RASIP1: variants seen among roughly 807,000 people sequenced by gnomAD.
The protein encoded by RASIP1 is ras-interacting protein 1.
In RASIP1, 20 loss-of-function variants were observed where a neutral mutation model predicts 85.3. The observed-to-expected ratio is 0.23, with a 90% CI of 0.17 to 0.34. The LOEUF (loss-of-function observed/expected upper bound fraction) is 0.34. RASIP1 is among the 10% of genes least tolerant of loss of function. The pLI is 1.00. For missense variants in RASIP1, 1,170 were observed against 1,390.9 expected, an observed-to-expected ratio of 0.84 and a Z score of 2.53; for synonymous variants, 617 against 647.1, an observed-to-expected ratio of 0.95 and a Z score of 0.71.
chr19:48,738,626 G>C lies in RASIP1; in HGVS notation c.823+334C>G. ...AGGCAGTCTGAAATGCCTGCAGAAG[G>C]CCCTAACCCCAATTCGGAGCCACTT... On this transcript the variant is annotated intron_variant, in intron 3 of 11. Coordinates refer to ENST00000222145, the MANE Select transcript of RASIP1 (RefSeq NM_017805.3). This position sits in a 1 kb window ranked among gnomAD's most constrained non-coding sequence, Gnocchi z 4.0. 4.9e-6 allele frequency: 1 copy of C among 202,406 alleles called. No homozygotes were observed. Among genetic ancestry groups the C allele is most frequent in the East Asian group, 1.2e-4 (1 of 8,664 alleles). 12.5% of individuals were successfully genotyped at this position (202,406 alleles called of 1,614,324 possible). A position where few individuals can be genotyped will look rare whatever the true frequency, so the allele number is the denominator to read the frequency against.
intron 10 of RASIP1, among the ~76,000 whole-genome samples, chr19:48,722,442 G>A (rs1356253343): frequency 1.3e-5 from 2 of 151,086 alleles, no homozygotes; most frequent in Non-Finnish European, 3.0e-5. Flanking sequence ...GTGATCCTTG[G>A]CCCCAGCCTC....
chr19:48,736,697 C>T (rs1008098458), intron 3 of RASIP1, among the ~76,000 whole-genome samples: 4 of 152,112 alleles, frequency 2.6e-5, no homozygotes, highest in African/African-American at 9.7e-5. Context: ...AGGGTGGAAA[C>T]CTCATCTGTC....
intron 10 of RASIP1, among the ~76,000 whole-genome samples, chr19:48,722,300 A>ATTTTT (rs71179038): frequency 6.1e-5 from 6 of 98,334 alleles, no homozygotes; most frequent in South Asian, 3.7e-4. Flanking sequence ...GTACTTGGGG[A>ATTTTT]TTTTTTTTTT....
intron 4 of RASIP1, among the ~76,000 whole-genome samples, chr19:48,731,024 C>T (rs58968427): frequency 0.026 from 3,910 of 152,080 alleles, 73 homozygotes; most frequent in African/African-American, 0.053. Context: ...AAAAAGAGGC[C>T]GGGCGCAGTG....
rs564443942 is a variant in RASIP1 at position 48,728,837 on chromosome 19, T to C, written c.1833+100A>G. The C allele has an allele frequency of 7.3e-6, 9 of 1,239,994 alleles. No homozygotes were observed. The East Asian group carries it at 2.6e-4, about 36-fold the overall frequency. 76.8% of individuals were successfully genotyped at this position (1,239,994 alleles called of 1,614,324 possible). A position where few individuals can be genotyped will look rare whatever the true frequency, so the allele number is the denominator to read the frequency against. On this transcript the variant is annotated intron_variant, in intron 5 of 11. Coordinates refer to ENST00000222145, the MANE Select transcript of RASIP1 (RefSeq NM_017805.3). Reference sequence around the variant, plus strand: ...TCCCGAGGCGTCATGGGAACAGTAGTATCCAGCCCAGCTATGAAAAGGGTT... The same window carrying C: ...TCCCGAGGCGTCATGGGAACAGTAGCATCCAGCCCAGCTATGAAAAGGGTT...
At chr19:48,737,923 T>A in intron 3 of RASIP1, 1 of 985,398 alleles carries the variant, frequency 1.0e-6, no homozygotes, top group Non-Finnish European at 1.2e-6. Flanking sequence ...TTTCTTTTTC[T>A]GGAGGACAGT....
At position 48,739,013 on chromosome 19, in the gene RASIP1, C is replaced by T; in HGVS notation, c.770G>A (p.Arg257His). The T allele has an allele frequency of 1.6e-6, 2 of 1,246,148 alleles. No individual in the cohort carries two copies. The highest frequency in any genetic ancestry group is 2.0e-6 in the Non-Finnish European group (2 of 998,998). The allele number at this position is 1,246,148 out of a possible 1,614,324, so 77.2% of individuals were successfully genotyped here. A position where few individuals can be genotyped will look rare whatever the true frequency, so the allele number is the denominator to read the frequency against. ...CTGCTCCAGGCGCCGCGCCTCCTCG[C>T]GGCCGCGCAACTCGAAGCGCCGCGC... Reference protein sequence around the residue: ...GWARRFELRGREEARRLEQEA... With the variant: ...GWARRFELRGHEEARRLEQEA... Residue 257 changes from arginine to histidine, a missense_variant, in exon 3 of 12, where the codon CGC becomes CAC. By Grantham distance (29) the Arg-to-His change is conservative. Transcript: ENST00000222145. This position sits in a 1 kb window ranked among gnomAD's most constrained non-coding sequence, Gnocchi z 9.2.
rs745523694 is a variant in RASIP1 at position 48,739,336 on chromosome 19, C to T, written c.447G>A (p.Lys149=). 4.4e-6 allele frequency: 6 copies of T among 1,363,862 alleles called. No homozygotes were observed. Among genetic ancestry groups the T allele is most frequent in the Admixed American group, 3.9e-5 (1 of 25,902 alleles). 84.5% of individuals were successfully genotyped at this position (1,363,862 alleles called of 1,614,324 possible). A position where few individuals can be genotyped will look rare whatever the true frequency, so the allele number is the denominator to read the frequency against. ...CCGATGCCAGTCCGGCGCCGAAGAT[C>T]TTGAGGACCCCCGGAGGCGCCGTGG... ...TRATAPPGVL[K]IFGAGLASGA... is the part of the protein sequence containing the mutation. The change falls in exon 3 of 12, where the codon AAG becomes AAA. Residue 149 remains lysine (K), a synonymous_variant. Coordinates refer to ENST00000222145, the MANE Select transcript of RASIP1 (RefSeq NM_017805.3). This position sits in a 1 kb window ranked among gnomAD's most constrained non-coding sequence, Gnocchi z 9.2.
Position 48,729,435 on chromosome 19 carries a change from C to T in RASIP1, c.1335G>A (p.Glu445=). 1.3e-6 allele frequency: 2 copies of T among 1,562,744 alleles called. No homozygotes were observed. The highest frequency in any genetic ancestry group is 1.7e-6 in the Non-Finnish European group (2 of 1,154,290). ...GGGACGGGCGCACCATGGCCGGGTG[C>T]TCAGGGCCCGCGCGCACTGTGCAGT... ...PRHCTVRAGP[E]HPAMVRPSRG... is the part of the protein sequence containing the mutation. Residue 445 remains glutamate (E), a synonymous_variant, in exon 5 of 12, where the codon GAG becomes GAA. Coordinates refer to ENST00000222145, the MANE Select transcript of RASIP1 (RefSeq NM_017805.3).
chr19:48,725,696 G>A (rs577857262), intron 8 of RASIP1: 17 of 152,350 alleles, frequency 1.1e-4, no homozygotes, highest in African/African-American at 3.6e-4. Flanking sequence ...GTCAGCAAGC[G>A]AAGGAAGTGG....
In RASIP1 at chr19:48,738,740, A is replaced by T; in HGVS notation, c.823+220T>A. The stretch of plus-strand genomic sequence containing the variant: ...CTGTAAAACTCCTGCTCAATCAACA[A>T]GCCCCACCCAACTCTCAGGCCCGCC... On this transcript the variant is annotated intron_variant, in intron 3 of 11. Coordinates refer to ENST00000222145, the MANE Select transcript of RASIP1 (RefSeq NM_017805.3). The surrounding 1 kb of genome is among the most constrained non-coding windows in gnomAD (Gnocchi z 4.0). The T allele has an allele frequency of 2.2e-6, 1 of 448,518 alleles. No homozygotes were observed. The highest frequency in any genetic ancestry group is 3.4e-6 in the Non-Finnish European group (1 of 292,144). 27.8% of individuals were successfully genotyped at this position (448,518 alleles called of 1,614,324 possible). A position where few individuals can be genotyped will look rare whatever the true frequency, so the allele number is the denominator to read the frequency against.
chr19:48,735,170 G>C (rs2033547037), intron 4 of RASIP1, 26 bp downstream of exon 4: 1 of 1,576,976 alleles, frequency 6.3e-7, no homozygotes. Context: ...AGGGCTCTGG[G>C]CGTGCGGGGC....
In RASIP1 at chr19:48,739,395, C is replaced by T; in HGVS notation, c.388G>A (p.Gly130Ser). 7.4e-7 allele frequency: 1 copy of T among 1,351,758 alleles called. No homozygotes were observed. Among genetic ancestry groups the T allele is most frequent in the Non-Finnish European group, 9.5e-7 (1 of 1,057,382 alleles). 83.7% of individuals were successfully genotyped at this position (1,351,758 alleles called of 1,614,324 possible). A position where few individuals can be genotyped will look rare whatever the true frequency, so the allele number is the denominator to read the frequency against. ...SEKKLPELAAGVAPEPPLATR... is the reference protein window; with the variant it reads ...SEKKLPELAASVAPEPPLATR... ...GCCAGCGGGGGCTCGGGGGCCACGC[C>T]CGCCGCCAGCTCCGGCAGCTTCTTC... is the stretch of plus-strand genomic sequence containing the variant. Residue 130 changes from glycine (G) to serine (S), a missense_variant, in exon 3 of 12, where the codon GGC becomes AGC. This residue lies in a region of RASIP1 where 299 missense variants were observed against 394.4 expected (regional missense o/e 0.76). Coordinates refer to ENST00000222145, the MANE Select transcript of RASIP1 (RefSeq NM_017805.3). This position sits in a 1 kb window ranked among gnomAD's most constrained non-coding sequence, Gnocchi z 9.2.
chr19:48,722,873 A>G (rs1228850403), intron 10 of RASIP1, among the ~76,000 whole-genome samples: 2 of 152,026 alleles, frequency 1.3e-5, no homozygotes, highest in Non-Finnish European at 2.9e-5. Flanking sequence ...GGCTTATTAA[A>G]TGCATGGTAA....
At position 48,738,162 on chromosome 19, in the gene RASIP1, C is replaced by G. The variant is rs2033606103; in HGVS notation, c.823+798G>C. Reference sequence around the variant, plus strand: ...ATTTCACCATGTTGGCCAGACTGGTCTCGAACTCCCAACCTCAGGTGATCC... The same window carrying G: ...ATTTCACCATGTTGGCCAGACTGGTGTCGAACTCCCAACCTCAGGTGATCC... On this transcript the variant is annotated intron_variant, in intron 3 of 11. Coordinates refer to ENST00000222145, the MANE Select transcript of RASIP1 (RefSeq NM_017805.3). This position sits in a 1 kb window ranked among gnomAD's most constrained non-coding sequence, Gnocchi z 4.0. 6.6e-6 allele frequency among the ~76,000 whole-genome samples: 1 copy of G among 152,182 alleles called. No homozygotes were observed. Among genetic ancestry groups the G allele is most frequent in the Non-Finnish European group, 1.5e-5 (1 of 68,036 alleles).
Position 48,739,095 on chromosome 19 carries a change from C to G in RASIP1, c.688G>C (p.Gly230Arg). ...ACCAGCAGCGGGCGCTCGGAGTCGCCCAGCACGCGCAGGTGCTCCGCCCGC... is the reference window on the plus strand; with the variant it reads ...ACCAGCAGCGGGCGCTCGGAGTCGCGCAGCACGCGCAGGTGCTCCGCCCGC... The part of the protein sequence containing the change: ...EWRAEHLRVL[G>R]DSERPLLVQE... Residue 230 changes from glycine (G) to arginine (R), a missense_variant, in exon 3 of 12, where the codon GGC becomes CGC. Gly to Arg is a moderately radical substitution (Grantham distance 125). Around this residue, in one of 4 missense-constraint regions of RASIP1, gnomAD observed 299 missense variants for 394.4 expected, o/e 0.76. Transcript: ENST00000222145. The surrounding 1 kb of genome is among the most constrained non-coding windows in gnomAD (Gnocchi z 9.2). 7.6e-7 allele frequency: 1 copy of G among 1,314,074 alleles called. No individual in the cohort carries two copies. Among genetic ancestry groups the G allele is most frequent in the South Asian group, 2.1e-5 (1 of 47,116 alleles). 81.4% of individuals were successfully genotyped at this position (1,314,074 alleles called of 1,614,324 possible). A position where few individuals can be genotyped will look rare whatever the true frequency, so the allele number is the denominator to read the frequency against.
At chr19:48,733,375 C>T (rs1021672432) in intron 4 of RASIP1, among the ~76,000 whole-genome samples, 1 of 152,216 alleles carries the variant, frequency 6.6e-6, no homozygotes, top group African/African-American at 2.4e-5. Context: ...TCCTCAACCA[C>T]CAATCCTTTC....
chr19:48,724,802 C>A lies in RASIP1; in HGVS notation c.2286G>T (p.Glu762Asp). ...QAALELTSQC[E>D]LHPDLVSQTF... is the part of the protein sequence containing the mutation. ...TCTGAGACACGAGGTCAGGGTGCAGCTCGCACTGGCTGGTCAGCTCCAAGG... is the reference window on the plus strand; with the variant it reads ...TCTGAGACACGAGGTCAGGGTGCAGATCGCACTGGCTGGTCAGCTCCAAGG... The change falls in exon 9 of 12, where the codon GAG (glutamate) becomes GAT (aspartate). Residue 762 changes from glutamate to aspartate, a missense_variant. This residue lies in a region of RASIP1 where 426 missense variants were observed against 576.2 expected (regional missense o/e 0.74). Coordinates refer to ENST00000222145, the MANE Select transcript of RASIP1 (RefSeq NM_017805.3). The surrounding 1 kb of genome is among the most constrained non-coding windows in gnomAD (Gnocchi z 4.6). The A allele has an allele frequency of 6.2e-7, 1 of 1,614,216 alleles. No individual in the cohort carries two copies. Among genetic ancestry groups the A allele is most frequent in the Non-Finnish European group, 8.5e-7 (1 of 1,180,034 alleles).
chr19:48,734,804 A>T (rs534199247), intron 4 of RASIP1, among the ~76,000 whole-genome samples: 1 of 152,272 alleles, frequency 6.6e-6, no homozygotes, highest in Non-Finnish European at 1.5e-5. Context: ...TGGTAGAGAC[A>T]GGATCTCACT....
Sources: allele counts gnomAD v4.1 joint callset (sites outside exome capture counted in the v4.1 genomes callset), GRCh38; gene constraint gnomAD v4.1.1; regional missense constraint gnomAD v4.1.1; non-coding constraint Gnocchi (gnomAD v3.1); transcripts MANE v1.5; gene names NCBI Gene and HGNC (gene_info 2026-07-23, HGNC 2026-07-21).